PDE2A: variants seen among roughly 807,000 people sequenced by gnomAD.
PDE2A encodes the protein phosphodiesterase 2A, also known as cGMP-dependent 3',5'-cyclic phosphodiesterase.
A neutral mutation model predicts 133.6 loss-of-function variants in PDE2A; 53 were observed. The observed-to-expected ratio is 0.40, with a 90% CI of 0.32 to 0.50. The LOEUF (loss-of-function observed/expected upper bound fraction) is 0.50, where lower values mean the gene tolerates loss of function less well. Among genes scored for constraint, PDE2A ranks in the 20% least tolerant of loss-of-function variants. The probability of loss-of-function intolerance (pLI) is 0.73; values close to 1 mark genes in which losing one functional copy is unlikely to be tolerated. For missense variants in PDE2A, 796 were observed against 1,232.4 expected (o/e 0.65, Z 5.30); for synonymous variants, 491 against 490.2 (o/e 1.00, Z -0.02).
intron 2 of PDE2A, among the ~76,000 whole-genome samples, chr11:72,641,916 G>A (rs1217991397): frequency 1.3e-5 from 2 of 152,152 alleles, no homozygotes; most frequent in African/African-American, 4.8e-5. Context: ...ATATGGTGAA[G>A]GTTCCGAGGC....
chr11:72,590,459 G>A lies in PDE2A; in HGVS notation c.671C>T (p.Thr224Ile), dbSNP rs341047. The change falls in exon 8 of 31, where the codon ACC (threonine) becomes ATC (isoleucine). Residue 224 changes from threonine (T) to isoleucine (I), a missense_variant. Transcript: ENST00000334456. The surrounding 1 kb of genome is among the most constrained non-coding windows in gnomAD (Gnocchi z 4.8). Reference sequence around the variant, plus strand: ...TTGGAGGATCTTGCGGTCGCGGTCGGTGTACGCCGCCCCGCCCTTCTGGTC... The same window carrying A: ...TTGGAGGATCTTGCGGTCGCGGTCGATGTACGCCGCCCCGCCCTTCTGGTC... The part of the protein sequence containing the change: ...AEDQKGGAAY[T>I]DRDRKILQLC... The A allele has an allele frequency of 0.11, 174,410 of 1,546,400 alleles. 10,521 individuals are homozygous for A. Among genetic ancestry groups the A allele is most frequent in the Non-Finnish European group, 0.12 (137,587 of 1,148,396 alleles).
intron 4 of PDE2A, among the ~76,000 whole-genome samples, chr11:72,599,769 G>T (rs1246245113): frequency 6.6e-6 from 1 of 152,198 alleles, no homozygotes; most frequent in Non-Finnish European, 1.5e-5. Flanking sequence ...CAGTGCTGAG[G>T]GCTGAGATGA....
intron 13 of PDE2A, among the ~76,000 whole-genome samples, 156 bp from the exon 14 acceptor site, chr11:72,586,337 C>T (rs971076808): frequency 1.3e-5 from 2 of 152,198 alleles, no homozygotes; most frequent in Admixed American, 6.5e-5. Context: ...ACCCCCATGA[C>T]CCTGCAGACT....
At chr11:72,581,715 T>C (rs1182996829) in intron 22 of PDE2A, among the ~76,000 whole-genome samples, 162 bp downstream of exon 22, 1 of 152,142 alleles carries the variant, frequency 6.6e-6, no homozygotes, top group Non-Finnish European at 1.5e-5. Flanking sequence ...GACAGTTCAG[T>C]GTCTAGGAAT....
rs1229307583 is a variant in PDE2A at position 72,653,920 on chromosome 11, C to T, written c.72-11594G>A. On this transcript the variant is annotated intron_variant, in intron 1 of 30. Coordinates refer to ENST00000334456, the MANE Select transcript of PDE2A (RefSeq NM_002599.5). ...CCCAAGATGGAACAATGAGGTAGTG[C>T]CTGAAATAACAGGAAGTCAGGGCTT... Among the ~76,000 whole-genome samples, 2 of 152,216 alleles carry T rather than the reference C, an allele frequency of 1.3e-5. 1 individual carries two copies. The highest frequency in any genetic ancestry group is 4.8e-5 in the African/African-American group (2 of 41,456).
At chr11:72,613,871 C>A (rs1186805021) in intron 2 of PDE2A, among the ~76,000 whole-genome samples, 3 of 152,228 alleles carry the variant, frequency 2.0e-5, no homozygotes, top group African/African-American at 7.2e-5. Context: ...AGCCTCTTAT[C>A]TTCCCAGAGG....
chr11:72,596,535 C>T, intron 6 of PDE2A, 58 bp downstream of exon 6: 1 of 964,102 alleles, frequency 1.0e-6, no homozygotes, highest in Non-Finnish European at 1.5e-6. Context: ...AGGCTCCATC[C>T]ACCACTCCCT....
intron 1 of PDE2A, chr11:72,668,406 T>C: frequency 1.4e-6 from 1 of 718,506 alleles, no homozygotes; most frequent in Non-Finnish European, 2.6e-6. Context: ...GTGGAAACAG[T>C]GCTCAGGAAG....
intron 1 of PDE2A, among the ~76,000 whole-genome samples, chr11:72,644,792 C>G (rs1157884425): frequency 6.6e-6 from 1 of 152,060 alleles, no homozygotes; most frequent in South Asian, 2.1e-4. Flanking sequence ...GAGTCTCGCT[C>G]TGTCACCAGG....
At chr11:72,635,941 C>A (rs1006200848) in intron 2 of PDE2A, 1 of 1,169,484 alleles carries the variant, frequency 8.6e-7, no homozygotes, top group Non-Finnish European at 1.1e-6. Context: ...CCGACCTTCC[C>A]GCTCCCCCTC....
In PDE2A at chr11:72,597,071, G is replaced by A. The variant is rs61230154; in HGVS notation, c.434-423C>T. ...CAGAGACCTAGAGAGACTGAGACAC[G>A]AGGCAGAGAGGGACATGGCGGACAG... On this transcript the variant is annotated intron_variant, in intron 5 of 30. Coordinates refer to ENST00000334456, the MANE Select transcript of PDE2A (RefSeq NM_002599.5). This position sits in a 1 kb window ranked among gnomAD's most constrained non-coding sequence, Gnocchi z 4.6. Among the ~76,000 whole-genome samples the A allele has an allele frequency of 1.1e-3, 175 of 152,218 alleles. 1 individual carries two copies. Among genetic ancestry groups the A allele is most frequent in the African/African-American group, 3.9e-3 (161 of 41,532 alleles).
intron 1 of PDE2A, among the ~76,000 whole-genome samples, chr11:72,650,187 A>G (rs1280939831): frequency 6.6e-6 from 1 of 151,882 alleles, no homozygotes; most frequent in East Asian, 1.9e-4. Context: ...ACGCCCGGCT[A>G]ATATTTGTAT....
At chr11:72,626,411 A>T (rs887084668) in intron 2 of PDE2A, among the ~76,000 whole-genome samples, 1 of 152,212 alleles carries the variant, frequency 6.6e-6, no homozygotes, top group Non-Finnish European at 1.5e-5. Flanking sequence ...GCTAAGGCCA[A>T]CTTGTTGGCA....
chr11:72,642,217 C>T (rs372997101), intron 2 of PDE2A, 37 bp downstream of exon 2: 3 of 1,441,224 alleles, frequency 2.1e-6, no homozygotes, highest in Admixed American at 2.9e-5. Context: ...CGCCGGACAC[C>T]CCGTTCTCCT....
intron 2 of PDE2A, among the ~76,000 whole-genome samples, chr11:72,622,005 G>A (rs978711665): frequency 6.6e-6 from 1 of 152,058 alleles, no homozygotes; most frequent in African/African-American, 2.4e-5. Flanking sequence ...CAACAAAAAA[G>A]CAAACAACCC....
intron 1 of PDE2A, chr11:72,657,967 G>A (rs567936135): frequency 1.3e-4 from 58 of 456,334 alleles, no homozygotes; most frequent in Non-Finnish European, 2.2e-4. Context: ...CACAGGAGCT[G>A]AGGAGGGGTG....
At chr11:72,638,588 G>C (rs1858809720) in intron 2 of PDE2A, among the ~76,000 whole-genome samples, 1 of 152,186 alleles carries the variant, frequency 6.6e-6, no homozygotes, top group Non-Finnish European at 1.5e-5. Context: ...AGCTCCATGA[G>C]GCCAGTTTGG....
At chr11:72,667,557 T>C (rs1855271818) in intron 1 of PDE2A, among the ~76,000 whole-genome samples, 1 of 152,216 alleles carries the variant, frequency 6.6e-6, no homozygotes, top group Non-Finnish European at 1.5e-5. Context: ...CTCTGCCACT[T>C]GTCCAACACT....
chr11:72,584,391 C>T, intron 18 of PDE2A, 78 bp from the exon 19 acceptor site: 1 of 1,255,302 alleles, frequency 8.0e-7, no homozygotes, highest in East Asian at 2.4e-5. Flanking sequence ...CGGGACCTGC[C>T]CTCGCAGTTT....
Sources: allele counts gnomAD v4.1 joint callset (sites outside exome capture counted in the v4.1 genomes callset), GRCh38; gene constraint gnomAD v4.1.1; non-coding constraint Gnocchi (gnomAD v3.1); transcripts MANE v1.5; gene names NCBI Gene and HGNC (gene_info 2026-07-23, HGNC 2026-07-21).